Variants in ROPN1 observed in about 807,000 individuals in gnomAD.
ROPN1 encodes the protein ropporin-1A.
Under a neutral mutation model 20.5 loss-of-function variants are expected in ROPN1, and 14 were observed. The ratio of observed to expected loss-of-function variants is 0.68; its 90% CI spans 0.45 to 1.07. The LOEUF (loss-of-function observed/expected upper bound fraction) is 1.07, where lower values mean the gene tolerates loss of function less well. ROPN1 is among the 50% of genes least tolerant of loss of function. The pLI is 0.00. For synonymous variants in ROPN1, 76 were observed against 95.7 expected (o/e 0.79, Z 1.20); for missense variants, 169 against 242.8 (o/e 0.70, Z 2.02).
chr3:123,971,834 G>C (rs2037925031), intron 4 of ROPN1, among the ~76,000 whole-genome samples: 1 of 152,152 alleles, frequency 6.6e-6, no homozygotes, highest in South Asian at 2.1e-4. Flanking sequence ...GGGCTGAATT[G>C]TTCCCCCTAA....
chr3:123,988,656 G>T (rs2038325861), intron 1 of ROPN1, among the ~76,000 whole-genome samples: 1 of 152,148 alleles, frequency 6.6e-6, no homozygotes, highest in South Asian at 2.1e-4. Context: ...AAGCACTCTT[G>T]ACTGTGAGGC....
intron 3 of ROPN1, chr3:123,975,859 T>C (rs908039065): frequency 5.4e-6 from 2 of 372,556 alleles, no homozygotes; most frequent in Non-Finnish European, 1.0e-5. Context: ...ATTCCTTATA[T>C]GACAGATAGA....
chr3:123,972,714 CAA>C (rs1373095562), intron 4 of ROPN1, among the ~76,000 whole-genome samples: 1 of 152,158 alleles, frequency 6.6e-6, no homozygotes, highest in Non-Finnish European at 1.5e-5. Context: ...CTACAAGGAA[CAA>C]ACTGGCTTTT....
chr3:123,989,882 GT>G (rs2038363313), intron 1 of ROPN1, among the ~76,000 whole-genome samples: 1 of 152,150 alleles, frequency 6.6e-6, no homozygotes, highest in Admixed American at 6.5e-5. Flanking sequence ...TCTTCCTTGG[GT>G]GATCTATCTC....
intron 1 of ROPN1, among the ~76,000 whole-genome samples, chr3:123,984,783 G>GTCTC (rs2038217067): frequency 1.3e-5 from 2 of 151,816 alleles, no homozygotes; most frequent in African/African-American, 4.8e-5. Flanking sequence ...GCTTAACACT[G>GTCTC]TCTCGCCCAC....
At chr3:123,983,241 T>C (rs2038184195) in intron 1 of ROPN1, among the ~76,000 whole-genome samples, 1 of 152,212 alleles carries the variant, frequency 6.6e-6, no homozygotes, top group Non-Finnish European at 1.5e-5. Context: ...TATACAAATA[T>C]GTGTTCAAGT....
chr3:123,969,167 A>G lies in ROPN1; in HGVS notation c.627T>C (p.Val209=), dbSNP rs1195004761. The G allele has an allele frequency of 6.2e-7, 1 of 1,614,002 alleles. No homozygotes were observed. The highest frequency in any genetic ancestry group is 1.7e-5 in the Admixed American group (1 of 60,022). The change falls in exon 6 of 6, where the codon GTT becomes GTC. Residue 209 remains valine (V), a synonymous_variant. Transcript: ENST00000405845. ...TVNDFTQNPR[V]QLE ...CAAAATTGTGCTTTTACTCCAGCTG[A>G]ACCCTGGGGTTTTGGGTAAAGTCAT...
At chr3:123,972,892 A>G (rs961789151) in intron 4 of ROPN1, among the ~76,000 whole-genome samples, 2 of 152,362 alleles carry the variant, frequency 1.3e-5, no homozygotes, top group African/African-American at 2.4e-5. Context: ...TGGGTAATTT[A>G]TAAACAACAG....
chr3:123,985,693 G>A (rs187355931), intron 1 of ROPN1, among the ~76,000 whole-genome samples: 7 of 152,088 alleles, frequency 4.6e-5, no homozygotes, highest in African/African-American at 1.4e-4. Context: ...TAGTAAAGGA[G>A]ACTCTAGGCC....
chr3:123,980,359 C>A lies in ROPN1; in HGVS notation c.116+7G>T. 6.2e-7 allele frequency: 1 copy of A among 1,614,060 alleles called. No individual in the cohort carries two copies. The highest frequency in any genetic ancestry group is 8.5e-7 in the Non-Finnish European group (1 of 1,179,912). On this transcript the variant is annotated splice_region_variant and intron_variant, in intron 2 of 5. Coordinates refer to ENST00000405845, the MANE Select transcript of ROPN1 (RefSeq NM_001317774.2). ...CCAAGGGGTGAAGGCGAGAAAGGAG[C>A]ACGTACTCGGCTGCCCACTGGATGA...
chr3:123,979,753 T>C (rs1449764924), intron 2 of ROPN1: 4 of 352,466 alleles, frequency 1.1e-5, no homozygotes, highest in Middle Eastern at 4.1e-4. Context: ...GACATCTTTA[T>C]GTTGGCAGAA....
chr3:123,980,341 G>C, intron 2 of ROPN1, 25 bp downstream of exon 2: 13 of 1,611,008 alleles, frequency 8.1e-6, no homozygotes, highest in Non-Finnish European at 1.0e-5. Context: ...CCTCCAAGGG[G>C]TGAAGGCGAG....
rs114029130 is a variant in ROPN1, at chr3:123,969,029, T to C, written c.*126A>G. Reference sequence around the variant, plus strand: ...AATTCTGCACATTTCTGATCTCATATGTTTAATTGTTTATTAGTGTGTACC... The same window carrying C: ...AATTCTGCACATTTCTGATCTCATACGTTTAATTGTTTATTAGTGTGTACC... On this transcript the variant is annotated 3_prime_UTR_variant, in exon 6 of 6. Coordinates refer to ENST00000405845, the MANE Select transcript of ROPN1 (RefSeq NM_001317774.2). 614 of 761,696 alleles carry C rather than the reference T, an allele frequency of 8.1e-4. 5 individuals carry two copies. The African/African-American group carries it at 9.5e-3, about 12-fold the overall frequency. The allele number at this position is 761,696 out of a possible 1,614,324, so 47.2% of individuals were successfully genotyped here.
intron 1 of ROPN1, among the ~76,000 whole-genome samples, chr3:123,988,280 G>A (rs933984631): frequency 6.6e-6 from 1 of 152,028 alleles, no homozygotes; most frequent in Non-Finnish European, 1.5e-5. Flanking sequence ...TGAATAGCTG[G>A]GACTACAGGT....
At chr3:123,973,263 C>T (rs1306559259) in intron 4 of ROPN1, among the ~76,000 whole-genome samples, 1 of 152,218 alleles carries the variant, frequency 6.6e-6, no homozygotes, top group African/African-American at 2.4e-5. Flanking sequence ...TTACTGGTTT[C>T]ATAGGACACC....
rs772870649 is a variant in ROPN1 at position 123,980,301 on chromosome 3, G to A, written c.116+65C>T. 3.3e-6 allele frequency: 5 copies of A among 1,497,920 alleles called. No individual in the cohort carries two copies. In the East Asian group the frequency reaches 1.1e-4, roughly 34 times the overall value. The allele number at this position is 1,497,920 out of a possible 1,614,324, so 92.8% of individuals were successfully genotyped here. On this transcript the variant is annotated intron_variant, in intron 2 of 5. Transcript: ENST00000405845. ...TAGCTGCAGCCATGACAACCTCCGC[G>A]GTTTTACAGGACCCTCTGTCTCCGG...
chr3:123,974,751 G>C (rs1310749051), intron 4 of ROPN1: 2 of 154,300 alleles, frequency 1.3e-5, no homozygotes, highest in Non-Finnish European at 2.9e-5. Flanking sequence ...AGATACCCAA[G>C]CTTTAAATAT....
chr3:123,970,729 A>T (rs55935332), intron 4 of ROPN1, among the ~76,000 whole-genome samples: 32,559 of 152,028 alleles, frequency 0.21, 7,674 homozygotes, highest in East Asian at 0.78. Flanking sequence ...AAATGTTCTT[A>T]AACATCAAGA....
chr3:123,980,741 C>CGA (rs1407041282), intron 1 of ROPN1: 24 of 378,362 alleles, frequency 6.3e-5, no homozygotes, highest in African/African-American at 4.9e-4. Flanking sequence ...AAGTGGAGGT[C>CGA]AGCAAAAAAT....
Sources: allele counts gnomAD v4.1 joint callset (sites outside exome capture counted in the v4.1 genomes callset), GRCh38; gene constraint gnomAD v4.1.1; transcripts MANE v1.5; gene names NCBI Gene and HGNC (gene_info 2026-07-23, HGNC 2026-07-21).